RAB35: variants seen among roughly 807,000 people sequenced by gnomAD.
RAB35 encodes the protein RAB35, member RAS oncogene family, also known as ras-related protein Rab-35.
RAB35 carries 4 observed loss-of-function variants against 28.9 expected under a neutral mutation model. The ratio of observed to expected loss-of-function variants is 0.14; its 90% confidence interval spans 0.07 to 0.32. The LOEUF (loss-of-function observed/expected upper bound fraction) is 0.32. Ranked by LOEUF, RAB35 falls within the 10% of genes least tolerant of loss-of-function variation. The pLI, the probability that RAB35 is intolerant of heterozygous loss-of-function variation, is 1.00. For missense variants in RAB35, 128 were observed against 274.0 expected, an observed-to-expected ratio of 0.47 and a Z score of 3.76; for synonymous variants, 99 against 105.1, an observed-to-expected ratio of 0.94 and a Z score of 0.35.
intron 5 of RAB35, 152 bp downstream of exon 5, chr12:120,098,659 G>A (rs892155537): frequency 2.9e-4 from 309 of 1,063,530 alleles, no homozygotes; most frequent in Admixed American, 1.9e-3. Context: ...TATGAACTAA[G>A]ATCGTTAAAG....
chr12:120,106,059 T>C (rs1336047869), intron 2 of RAB35, among the ~76,000 whole-genome samples: 1 of 151,382 alleles, frequency 6.6e-6, no homozygotes, highest in Non-Finnish European at 1.5e-5. Context: ...GACACACACA[T>C]GAGCGGTTCA....
chr12:120,112,433 A>T (rs1416055363), intron 1 of RAB35, among the ~76,000 whole-genome samples: 12 of 141,782 alleles, frequency 8.5e-5, no homozygotes, highest in Non-Finnish European at 1.2e-4. Context: ...TGTTCTCGAT[A>T]TTTTTTTTTT....
intron 5 of RAB35, among the ~76,000 whole-genome samples, chr12:120,098,385 C>T (rs553207352): frequency 6.6e-6 from 1 of 152,366 alleles, no homozygotes; most frequent in South Asian, 2.1e-4. Context: ...TACAAAGGAG[C>T]CTGTGCCCGC....
At chr12:120,109,515 T>G (rs1425714706) in intron 1 of RAB35, among the ~76,000 whole-genome samples, 3 of 151,986 alleles carry the variant, frequency 2.0e-5, no homozygotes, top group African/African-American at 7.3e-5. Context: ...TGCAATCATG[T>G]CTCACCACAG....
chr12:120,097,205 G>A lies in RAB35; in HGVS notation c.*40C>T, dbSNP rs928169298. The A allele has an allele frequency of 6.2e-7, 1 of 1,614,156 alleles. No homozygotes were observed. Among genetic ancestry groups the A allele is most frequent in the Non-Finnish European group, 8.5e-7 (1 of 1,180,024 alleles). ...AACCTCCGTGGGCCTCGGGCTGGGG[G>A]AGGGACCGCAGTGCAGTCTCTGCAG... On this transcript the variant is annotated 3_prime_UTR_variant, in exon 6 of 6. Coordinates refer to ENST00000229340, the MANE Select transcript of RAB35 (RefSeq NM_006861.7).
chr12:120,107,050 GCC>G (rs1322144348), intron 2 of RAB35, among the ~76,000 whole-genome samples: 1 of 151,882 alleles, frequency 6.6e-6, no homozygotes, highest in East Asian at 1.9e-4. Flanking sequence ...GTGCAGTGGT[GCC>G]ATCTCAGCTC....
rs1284139098 is a variant in RAB35, at chr12:120,095,830, A to AATC, written c.*1412_*1414dup. 6.5e-6 allele frequency: 1 copy of AATC among 153,724 alleles called. No homozygotes were observed. The highest frequency in any genetic ancestry group is 2.4e-5 in the African/African-American group (1 of 41,464). The allele number at this position is 153,724 out of a possible 1,614,324, so 9.5% of individuals were successfully genotyped here. On this transcript the variant is annotated 3_prime_UTR_variant, in exon 6 of 6. Transcript: ENST00000229340. ...AGTGTGATCTGTGATGTGATTGTCC[A>AATC]ATCAGGGCTCTCCCTGGAAATCGCC...
chr12:120,096,545 G>A lies in RAB35; in HGVS notation c.*700C>T. 7.8e-7 allele frequency: 1 copy of A among 1,289,786 alleles called. No homozygotes were observed. 79.9% of individuals were successfully genotyped at this position (1,289,786 alleles called of 1,614,324 possible). On this transcript the variant is annotated 3_prime_UTR_variant, in exon 6 of 6. Transcript: ENST00000229340. ...GCTGCCCTGGGTTTGGAGCTCAGAG[G>A]CATCTAGAAGGCAGGACAAGAAATC... is the stretch of plus-strand genomic sequence containing the variant.
chr12:120,100,916 G>A lies in RAB35; in HGVS notation c.228-1762C>T, dbSNP rs529568727. Among the ~76,000 whole-genome samples, 3 of 152,358 alleles carry A rather than the reference G, an allele frequency of 2.0e-5. No individual in the cohort carries two copies. In the East Asian group the frequency reaches 5.8e-4, roughly 29 times the overall value. On this transcript the variant is annotated intron_variant, in intron 3 of 5. Coordinates refer to ENST00000229340, the MANE Select transcript of RAB35 (RefSeq NM_006861.7). ...AGGAACAGGCGACTGTCCCCTGCCA[G>A]CAGAGGAAGCCCAAGGAGCGGATGG...
rs1875737980 is a variant in RAB35 at position 120,103,391 on chromosome 12, G to A, written c.227+435C>T. Among the ~76,000 whole-genome samples the A allele has an allele frequency of 1.3e-5, 2 of 152,214 alleles. No individual in the cohort carries two copies. Among genetic ancestry groups the A allele is most frequent in the South Asian group, 4.1e-4 (2 of 4,832 alleles). Reference sequence around the variant, plus strand: ...GCGTCACTTCCAAGGCATCAGTGCAGGTGACGGGAGCCTGCACAGGCCAAC... The same window carrying A: ...GCGTCACTTCCAAGGCATCAGTGCAAGTGACGGGAGCCTGCACAGGCCAAC... On this transcript the variant is annotated intron_variant, in intron 3 of 5. Transcript: ENST00000229340. This position sits in a 1 kb window ranked among gnomAD's most constrained non-coding sequence, Gnocchi z 6.1.
intron 2 of RAB35, among the ~76,000 whole-genome samples, chr12:120,104,379 A>T (rs573088735): frequency 6.6e-6 from 1 of 152,278 alleles, no homozygotes; most frequent in Non-Finnish European, 1.5e-5. Flanking sequence ...ACACACAAAT[A>T]GGTCATGAGC....
intron 2 of RAB35, among the ~76,000 whole-genome samples, chr12:120,106,711 C>T (rs1488744759): frequency 6.6e-6 from 1 of 151,740 alleles, no homozygotes; most frequent in African/African-American, 2.4e-5. Flanking sequence ...GCCTCAGCCT[C>T]CTGAGTAGCC....
At position 120,095,117 on chromosome 12, in the gene RAB35, T is replaced by C. The variant is rs551769618; in HGVS notation, c.*2128A>G. ...AAGAAAATTTGGCAGCTTGAACCTT[T>C]ATTTTTAGTATTTTTTTAAAAAGCA... On this transcript the variant is annotated 3_prime_UTR_variant, in exon 6 of 6. Transcript: ENST00000229340. 6.6e-6 allele frequency: 1 copy of C among 152,372 alleles called. No homozygotes were observed. The highest frequency in any genetic ancestry group is 2.1e-4 in the South Asian group (1 of 4,830). The allele number at this position is 152,372 out of a possible 1,614,324, so 9.4% of individuals were successfully genotyped here. A position where few individuals can be genotyped will look rare whatever the true frequency, so the allele number is the denominator to read the frequency against.
chr12:120,114,989 A>G (rs186927523), intron 1 of RAB35, among the ~76,000 whole-genome samples: 2 of 152,344 alleles, frequency 1.3e-5, no homozygotes, highest in East Asian at 3.9e-4. Flanking sequence ...ATGTAAAGGA[A>G]GAAGCCTCAA....
At chr12:120,100,523 A>T (rs945992898) in intron 3 of RAB35, among the ~76,000 whole-genome samples, 2 of 152,220 alleles carry the variant, frequency 1.3e-5, no homozygotes, top group African/African-American at 4.8e-5. Context: ...GGTCCCAGAC[A>T]GAGGTGGTGG....
intron 1 of RAB35, 129 bp downstream of exon 1, chr12:120,116,470 C>T: frequency 1.6e-6 from 1 of 628,128 alleles, no homozygotes; most frequent in Non-Finnish European, 2.0e-6. Flanking sequence ...CCCTGGGGCC[C>T]AGACCGCCGG....
intron 1 of RAB35, among the ~76,000 whole-genome samples, chr12:120,109,004 TC>T: frequency 6.6e-6 from 1 of 152,352 alleles, no homozygotes; most frequent in South Asian, 2.1e-4. Flanking sequence ...CTGGCTGATG[TC>T]CCCGCCGGGT....
At chr12:120,113,848 T>C (rs79536761) in intron 1 of RAB35, among the ~76,000 whole-genome samples, 9,647 of 150,432 alleles carry the variant, frequency 0.064, 631 homozygotes, top group African/African-American at 0.17. Flanking sequence ...AAAGAAAATA[T>C]AGAACCTCCG....
At chr12:120,104,481 A>G (rs1320130236) in intron 2 of RAB35, among the ~76,000 whole-genome samples, 1 of 152,240 alleles carries the variant, frequency 6.6e-6, no homozygotes, top group African/African-American at 2.4e-5. Flanking sequence ...CCTGCCGCCC[A>G]AGGCAGGCAG....
Sources: gnomAD v4.1 joint callset for allele counts (sites outside exome capture counted in the v4.1 genomes callset) on GRCh38, gnomAD v4.1.1 for gene constraint, Gnocchi (gnomAD v3.1) non-coding constraint, MANE v1.5 for transcripts, NCBI Gene and HGNC (gene_info 2026-07-23, HGNC 2026-07-21) for gene names.